Variants in PLCE1 observed in about 807,000 individuals in gnomAD.
PLCE1 encodes the protein 1-phosphatidylinositol 4,5-bisphosphate phosphodiesterase epsilon-1.
A neutral mutation model predicts 242.8 loss-of-function variants in PLCE1; 119 were observed. The observed-to-expected ratio is 0.49, with a 90% CI of 0.42 to 0.57. PLCE1 has a LOEUF of 0.57. Ranked by LOEUF, PLCE1 falls within the 20% of genes least tolerant of loss-of-function variation. The probability of loss-of-function intolerance (pLI) is 0.00; values close to 1 mark genes in which losing one functional copy is unlikely to be tolerated. For synonymous variants in PLCE1, 945 were observed against 1,017.4 expected, an observed-to-expected ratio of 0.93 and a Z score of 1.35; for missense variants, 2,441 against 2,788.8, an observed-to-expected ratio of 0.88 and a Z score of 2.81.
intron 1 of PLCE1, among the ~76,000 whole-genome samples, 97 bp from the exon 2 acceptor site, chr10:94,030,586 T>C (rs2061538807): frequency 6.6e-6 from 1 of 151,920 alleles, no homozygotes; most frequent in Admixed American, 6.6e-5. Context: ...AAAAAAAACC[T>C]TTTTTCTCAA....
At chr10:94,022,973 G>C (rs547843317) in intron 1 of PLCE1, among the ~76,000 whole-genome samples, 6 of 152,140 alleles carry the variant, frequency 3.9e-5, no homozygotes, top group Non-Finnish European at 8.8e-5. Context: ...AACCCTTTCA[G>C]TTTAAAGATG....
At chr10:94,068,009 T>C (rs1035658745) in intron 2 of PLCE1, among the ~76,000 whole-genome samples, 2 of 152,184 alleles carry the variant, frequency 1.3e-5, no homozygotes, top group African/African-American at 4.8e-5. Context: ...CATAATGTCC[T>C]CTTCCAGCAG....
intron 3 of PLCE1, among the ~76,000 whole-genome samples, chr10:94,143,064 G>T (rs1023660354): frequency 9.2e-5 from 14 of 152,182 alleles, no homozygotes; most frequent in Non-Finnish European, 1.6e-4. Flanking sequence ...ATAAGCACAG[G>T]ATATAGGGCC....
Position 94,283,804 on chromosome 10 carries a change from G to A in PLCE1, c.4810G>A (p.Asp1604Asn). ...ESLSDDNILE[D>N]RPENKSCNDK... Reference sequence around the variant, plus strand: ...CTTATTTTCAGACAACATTCTGGAAGACAGACCTGAAAATAAATCATGTAA... The same window carrying A: ...CTTATTTTCAGACAACATTCTGGAAAACAGACCTGAAAATAAATCATGTAA... Residue 1604 changes from aspartate (D) to asparagine (N), a missense_variant, in exon 21 of 33, where the codon GAC (aspartate) becomes AAC (asparagine). Coordinates refer to ENST00000371380, the MANE Select transcript of PLCE1 (RefSeq NM_016341.4). The A allele has an allele frequency of 6.2e-7, 1 of 1,611,664 alleles. No individual in the cohort carries two copies. The highest frequency in any genetic ancestry group is 8.5e-7 in the Non-Finnish European group (1 of 1,178,362).
At chr10:94,173,896 A>T (rs1251830534) in intron 4 of PLCE1, among the ~76,000 whole-genome samples, 1 of 152,232 alleles carries the variant, frequency 6.6e-6, no homozygotes, top group Admixed American at 6.5e-5. Flanking sequence ...ATCCCAAATG[A>T]TCTCTACTGG....
At chr10:94,162,502 TC>T (rs1394600720) in intron 3 of PLCE1, among the ~76,000 whole-genome samples, 1 of 152,208 alleles carries the variant, frequency 6.6e-6, no homozygotes, top group Admixed American at 6.5e-5. Flanking sequence ...CGGTGTGATA[TC>T]CCCTTTATCA....
In PLCE1 at chr10:94,032,483, T is replaced by C. The variant is rs554020510; in HGVS notation, c.1206+231T>C. Among the ~76,000 whole-genome samples, 5 of 152,102 alleles carry C rather than the reference T, an allele frequency of 3.3e-5. No homozygotes were observed. The East Asian group carries it at 9.7e-4, about 29-fold the overall frequency. ...TGTCAGAAAATAATGTTATTGGGAG[T>C]GGAGGAATTAGGGAGATTTCCTGGT... On this transcript the variant is annotated intron_variant, in intron 2 of 32. Transcript: ENST00000371380.
Position 94,132,305 on chromosome 10 carries a change from C to CT in PLCE1, c.1338_1339insT (p.Arg447SerfsTer6), listed in dbSNP as rs764727173. The CT allele has an allele frequency of 1.4e-5, 23 of 1,613,978 alleles. 1 individual carries two copies. The South Asian group carries it at 2.4e-4, about 17-fold the overall frequency. On this transcript the variant is annotated frameshift_variant, in exon 3 of 33. Coordinates refer to ENST00000371380, the MANE Select transcript of PLCE1 (RefSeq NM_016341.4). LOFTEE classifies it high-confidence loss of function. Reference sequence around the variant, plus strand: ...TTGGTCCATGCTTAAAGCAATGTGTCCGAGACACTGTATGTGAGTATCGCG... The same window carrying CT: ...TTGGTCCATGCTTAAAGCAATGTGTCTCGAGACACTGTATGTGAGTATCGCG...
At chr10:94,104,875 T>C (rs548137782) in intron 2 of PLCE1, 1 of 152,366 alleles carries the variant, frequency 6.6e-6, no homozygotes, top group Admixed American at 6.5e-5. Flanking sequence ...AATGAAATTA[T>C]CTGAGTAACC....
At chr10:94,197,474 C>T (rs2048856373) in intron 4 of PLCE1, among the ~76,000 whole-genome samples, 1 of 152,206 alleles carries the variant, frequency 6.6e-6, no homozygotes, top group Admixed American at 6.5e-5. Context: ...GATTTATCCA[C>T]ATTCCTATCA....
chr10:94,202,050 G>A (rs185631454), intron 4 of PLCE1, among the ~76,000 whole-genome samples: 3 of 152,158 alleles, frequency 2.0e-5, no homozygotes, highest in Non-Finnish European at 4.4e-5. Context: ...GGTTTTAGGG[G>A]TTTTTGTGTG....
intron 2 of PLCE1, among the ~76,000 whole-genome samples, chr10:94,130,397 A>G (rs2046562587): frequency 6.6e-6 from 1 of 152,224 alleles, no homozygotes; most frequent in Non-Finnish European, 1.5e-5. Flanking sequence ...TCAACAGTAA[A>G]GAGCATCATT....
In PLCE1 at chr10:94,132,677, G is replaced by A. The variant is rs540321108; in HGVS notation, c.1492+218G>A. 1.0e-3 allele frequency among the ~76,000 whole-genome samples: 154 copies of A among 151,512 alleles called. 2 individuals carry two copies. The highest frequency in any genetic ancestry group is 1.9e-3 in the Non-Finnish European group (129 of 67,988). ...AATCATTAAGATTTTGAGGCCGGGT[G>A]CGGTGGCTCACACCTGTAATCCCAG... On this transcript the variant is annotated intron_variant, in intron 3 of 32. Transcript: ENST00000371380.
intron 5 of PLCE1, among the ~76,000 whole-genome samples, chr10:94,232,883 T>C (rs962756541): frequency 1.3e-5 from 2 of 152,124 alleles, no homozygotes; most frequent in Non-Finnish European, 2.9e-5. Flanking sequence ...CTCAAATCTT[T>C]AGGCAAGAGT....
At chr10:94,011,778 A>G (rs992695358) in intron 1 of PLCE1, among the ~76,000 whole-genome samples, 3 of 151,284 alleles carry the variant, frequency 2.0e-5, no homozygotes, top group South Asian at 4.2e-4. Context: ...TTTTTTTTCT[A>G]TGTGCATGGG....
chr10:94,289,859 C>T lies in PLCE1; in HGVS notation c.5036-3649C>T, dbSNP rs1388377512. The stretch of plus-strand genomic sequence containing the variant: ...AACACTGTACACTAAGGCTACACTA[C>T]ATTTATAAATAAAAATTTTTCTTCA... On this transcript the variant is annotated intron_variant, in intron 22 of 32. Coordinates refer to ENST00000371380, the MANE Select transcript of PLCE1 (RefSeq NM_016341.4). Among the ~76,000 whole-genome samples the T allele has an allele frequency of 3.3e-5, 5 of 152,204 alleles. No homozygotes were observed. The East Asian group carries it at 7.7e-4, about 23-fold the overall frequency.
chr10:94,312,011 C>G (rs1397701340), intron 27 of PLCE1, among the ~76,000 whole-genome samples: 1 of 152,162 alleles, frequency 6.6e-6, no homozygotes. Context: ...GCTCTCAGCT[C>G]TAGCTGCTTG....
intron 2 of PLCE1, among the ~76,000 whole-genome samples, chr10:94,112,288 A>G (rs117494668): frequency 6.6e-6 from 1 of 152,358 alleles, no homozygotes; most frequent in East Asian, 1.9e-4. Context: ...TTCATGAAAC[A>G]AATGCATTCA....
intron 2 of PLCE1, chr10:94,121,102 T>C (rs2046285738): frequency 6.6e-6 from 1 of 152,276 alleles, no homozygotes; most frequent in Admixed American, 6.5e-5. Flanking sequence ...GCCACATACA[T>C]GCCAAGTGCT....
Sources: gnomAD v4.1 joint callset for allele counts (sites outside exome capture counted in the v4.1 genomes callset) on GRCh38, gnomAD v4.1.1 for gene constraint, MANE v1.5 for transcripts, NCBI Gene and HGNC (gene_info 2026-07-23, HGNC 2026-07-21) for gene names.